Variants in DNAAF11 observed in about 807,000 individuals in gnomAD.
DNAAF11 encodes the protein dynein axonemal assembly factor 11.
DNAAF11 carries 45 observed loss-of-function variants against 60.8 expected under a neutral mutation model. The observed-to-expected ratio is 0.74, with a 90% confidence interval of 0.58 to 0.95. DNAAF11 has a LOEUF of 0.95. DNAAF11 is among the 40% of genes least tolerant of loss of function. DNAAF11 has a pLI of 0.00. For synonymous variants in DNAAF11, 191 were observed against 183.5 expected, an observed-to-expected ratio of 1.04 and a Z score of -0.33; for missense variants, 546 against 546.2, an observed-to-expected ratio of 1.00 and a Z score of 0.00.
Position 132,634,235 on chromosome 8 carries a change from C to T in DNAAF11, c.430-1272G>A, listed in dbSNP as rs148155036. The stretch of plus-strand genomic sequence containing the variant: ...GTTCTGAGCTTCTTGGCAGCCAAAG[C>T]GAAATAGAAAAACATAACTAGTTAC... On this transcript the variant is annotated intron_variant, in intron 4 of 11. Coordinates refer to ENST00000620350, the MANE Select transcript of DNAAF11 (RefSeq NM_012472.6). 2.1e-3 allele frequency among the ~76,000 whole-genome samples: 318 copies of T among 152,102 alleles called. 1 individual carries two copies. The highest frequency in any genetic ancestry group is 7.0e-3 in the African/African-American group (291 of 41,504).
At chr8:132,630,109 A>G (rs1012787982) in intron 5 of DNAAF11, among the ~76,000 whole-genome samples, 1 of 152,244 alleles carries the variant, frequency 6.6e-6, no homozygotes, top group Non-Finnish European at 1.5e-5. Context: ...TCAAAATTCC[A>G]CTAGGGATTT....
chr8:132,579,736 T>C (rs1043572361), intron 11 of DNAAF11, among the ~76,000 whole-genome samples: 1 of 152,138 alleles, frequency 6.6e-6, no homozygotes, highest in Non-Finnish European at 1.5e-5. Flanking sequence ...GTCTCGTGCC[T>C]GTAATCCCAA....
chr8:132,675,600 C>T, upstream of DNAAF11: 3 of 1,226,118 alleles, frequency 2.4e-6, no homozygotes, highest in South Asian at 1.7e-5. Context: ...ATTCAGGAGC[C>T]ATGGCAACGG....
intron 6 of DNAAF11, among the ~76,000 whole-genome samples, chr8:132,623,003 T>G (rs777940054): frequency 6.6e-6 from 1 of 152,186 alleles, no homozygotes; most frequent in Non-Finnish European, 1.5e-5. Context: ...TTTAAGTAAG[T>G]CTATTTTATA....
At chr8:132,644,961 G>A (rs1021202707) in intron 3 of DNAAF11, among the ~76,000 whole-genome samples, 4 of 152,214 alleles carry the variant, frequency 2.6e-5, no homozygotes, top group African/African-American at 4.8e-5. Context: ...AAACGTCCCT[G>A]TCTGACAGCT....
chr8:132,659,542 G>A (rs775385515), intron 2 of DNAAF11, among the ~76,000 whole-genome samples: 9 of 152,084 alleles, frequency 5.9e-5, no homozygotes, highest in Non-Finnish European at 1.0e-4. Flanking sequence ...AATTAGAACC[G>A]TTCTTTCATG....
chr8:132,620,445 G>A (rs570032706), intron 7 of DNAAF11, among the ~76,000 whole-genome samples: 6 of 152,060 alleles, frequency 3.9e-5, no homozygotes, highest in Non-Finnish European at 5.9e-5. Flanking sequence ...AGCGATTCTC[G>A]TGTCCCAGCC....
intron 1 of DNAAF11, among the ~76,000 whole-genome samples, chr8:132,674,083 AGGAGGAGGAGGAGCAGGAGGAGGAGGAGC>A (rs1377362044): frequency 9.4e-5 from 14 of 148,958 alleles, no homozygotes; most frequent in African/African-American, 3.4e-4. Context: ...GAGGAGGAGC[AGGAGGAGGAGGAGCAGGAGGAGGAGGAGC>A]AGGAGGAGGA....
chr8:132,655,922 C>T (rs1305428969), intron 3 of DNAAF11, among the ~76,000 whole-genome samples: 1 of 152,108 alleles, frequency 6.6e-6, no homozygotes, highest in East Asian at 1.9e-4. Flanking sequence ...CAAATCGATA[C>T]AATAAATATT....
At chr8:132,701,882 C>T in the DNAAF11 span, among the ~76,000 whole-genome samples, 2 of 152,132 alleles carry the variant, frequency 1.3e-5, no homozygotes, top group Non-Finnish European at 2.9e-5. Flanking sequence ...AGCTCCTAGG[C>T]CCAAAGTCCC....
At chr8:132,663,484 G>A (rs1307837635) in intron 1 of DNAAF11, among the ~76,000 whole-genome samples, 1 of 152,174 alleles carries the variant, frequency 6.6e-6, no homozygotes, top group East Asian at 1.9e-4. Flanking sequence ...GATGCAACAT[G>A]GGTCAAGGGG....
chr8:132,673,440 C>T (rs901026412), intron 1 of DNAAF11, among the ~76,000 whole-genome samples: 1 of 152,258 alleles, frequency 6.6e-6, no homozygotes, highest in Non-Finnish European at 1.5e-5. Context: ...ATCTCCCACT[C>T]GAACTCCTAT....
chr8:132,619,987 T>C (rs181936872), intron 7 of DNAAF11, among the ~76,000 whole-genome samples: 1 of 152,298 alleles, frequency 6.6e-6, no homozygotes, highest in East Asian at 1.9e-4. Flanking sequence ...ATTGCTTTTT[T>C]TCTCAACGAA....
intron 3 of DNAAF11, among the ~76,000 whole-genome samples, chr8:132,640,851 C>T (rs149637109): frequency 1.8e-3 from 269 of 152,132 alleles, no homozygotes; most frequent in African/African-American, 6.3e-3. Flanking sequence ...GAGTCTGGAA[C>T]GTCTTGATGT....
chr8:132,593,006 A>C (rs1479789197), intron 10 of DNAAF11, among the ~76,000 whole-genome samples: 2 of 152,018 alleles, frequency 1.3e-5, no homozygotes, highest in African/African-American at 2.4e-5. Flanking sequence ...GGATAAGATC[A>C]ATCAGGAGAG....
chr8:132,698,817 C>A, the DNAAF11 span, among the ~76,000 whole-genome samples: 4 of 152,056 alleles, frequency 2.6e-5, no homozygotes, highest in African/African-American at 9.7e-5. Context: ...CACGATGGTG[C>A]ACACCTGTAA....
chr8:132,673,054 A>T (rs1425948571), intron 1 of DNAAF11, among the ~76,000 whole-genome samples: 2 of 152,216 alleles, frequency 1.3e-5, no homozygotes, highest in African/African-American at 4.8e-5. Context: ...AAGGCCATTT[A>T]TTGGGAAGCA....
chr8:132,674,626 C>T (rs941459668), intron 1 of DNAAF11, among the ~76,000 whole-genome samples: 1 of 152,204 alleles, frequency 6.6e-6, no homozygotes, highest in Non-Finnish European at 1.5e-5. Flanking sequence ...CAGTGGCTCA[C>T]GCCTGTAATC....
chr8:132,618,833 C>G (rs1431282630), intron 7 of DNAAF11, among the ~76,000 whole-genome samples: 6 of 152,044 alleles, frequency 3.9e-5, no homozygotes, highest in Non-Finnish European at 7.4e-5. Context: ...AATAGGAACA[C>G]TTTTACACTG....
Sources: gnomAD v4.1 joint callset for allele counts (sites outside exome capture counted in the v4.1 genomes callset) on GRCh38, gnomAD v4.1.1 for gene constraint, MANE v1.5 for transcripts, NCBI Gene and HGNC (gene_info 2026-07-23, HGNC 2026-07-21) for gene names.